Variants in MAPK10 observed in about 807,000 individuals in gnomAD.
The protein encoded by MAPK10 is mitogen-activated protein kinase 10.
Under a neutral mutation model 59.3 loss-of-function variants are expected in MAPK10, and 25 were observed. That is an observed-to-expected ratio of 0.42 (90% CI 0.31 to 0.59). MAPK10 has a LOEUF of 0.59. MAPK10 is among the 20% of genes least tolerant of loss of function. MAPK10 has a pLI of 0.15. For missense variants in MAPK10, 351 were observed against 568.9 expected, an observed-to-expected ratio of 0.62 and a Z score of 3.90; for synonymous variants, 190 against 200.5, an observed-to-expected ratio of 0.95 and a Z score of 0.44.
At chr4:86,198,095 T>A (rs2081793658) in intron 2 of MAPK10, among the ~76,000 whole-genome samples, 1 of 152,168 alleles carries the variant, frequency 6.6e-6, no homozygotes, top group Non-Finnish European at 1.5e-5. Flanking sequence ...CAATTCTCTA[T>A]GGCCCTCTCA....
chr4:86,171,624 C>G (rs1263672349), intron 3 of MAPK10, among the ~76,000 whole-genome samples: 1 of 152,104 alleles, frequency 6.6e-6, no homozygotes, highest in Non-Finnish European at 1.5e-5. Flanking sequence ...CATAAAAACC[C>G]TAGGAGAAAA....
chr4:86,068,735 A>G (rs1161664225), intron 9 of MAPK10, among the ~76,000 whole-genome samples: 1 of 152,184 alleles, frequency 6.6e-6, no homozygotes, highest in Admixed American at 6.5e-5. Context: ...TTACCTCTCT[A>G]TGAAAATTAA....
chr4:86,233,148 T>C (rs1583262657), intron 2 of MAPK10, among the ~76,000 whole-genome samples: 1 of 152,218 alleles, frequency 6.6e-6, no homozygotes, highest in African/African-American at 2.4e-5. Context: ...AAAAAGCTCT[T>C]GGCATCACAG....
At chr4:86,033,635 C>T (rs1177524003) in intron 11 of MAPK10, among the ~76,000 whole-genome samples, 2 of 152,180 alleles carry the variant, frequency 1.3e-5, no homozygotes, top group Admixed American at 6.5e-5. Flanking sequence ...AAACAAACTA[C>T]AAGAGAGAAT....
chr4:86,029,014 A>C (rs1751771720), intron 13 of MAPK10, 183 bp downstream of exon 13: 4 of 687,244 alleles, frequency 5.8e-6, no homozygotes, highest in Non-Finnish European at 1.1e-5. Flanking sequence ...CATCAGAATA[A>C]TCAGAATGAA....
chr4:86,555,859 G>C (rs899346673), intron 1 of MAPK10, among the ~76,000 whole-genome samples: 46 of 152,062 alleles, frequency 3.0e-4, no homozygotes, highest in African/African-American at 1.0e-3. Flanking sequence ...CTCAGAGTCA[G>C]GAAAATAAAG....
rs992429822 is a variant in MAPK10 at position 86,593,235 on chromosome 4, T to C, written c.-263+675A>G. ...TTTGACTTTTTTTGGGGAAGCCAAA[T>C]AAGCCTCAGATCTCTCCACTTTGGA... On this transcript the variant is annotated intron_variant, in intron 1 of 4. Coordinates refer to the MAPK10 transcript ENST00000502302. Among the ~76,000 whole-genome samples the C allele has an allele frequency of 3.3e-5, 5 of 152,280 alleles. No homozygotes were observed. In the South Asian group the frequency reaches 1.0e-3, roughly 32 times the overall value.
intron 4 of MAPK10, among the ~76,000 whole-genome samples, chr4:86,116,567 A>G (rs2058322808): frequency 6.6e-6 from 1 of 152,192 alleles, no homozygotes. Flanking sequence ...CCATCCCCCT[A>G]TCTCATGTGG....
At chr4:86,033,714 T>C (rs3775173) in intron 11 of MAPK10, among the ~76,000 whole-genome samples, 21,382 of 152,276 alleles carry the variant, frequency 0.14, 1,672 homozygotes, top group South Asian at 0.17. Context: ...ACTTGATTTA[T>C]AGTATTTGTT....
At chr4:86,189,046 A>G (rs1489185829) in intron 3 of MAPK10, among the ~76,000 whole-genome samples, 1 of 152,046 alleles carries the variant, frequency 6.6e-6, no homozygotes, top group Non-Finnish European at 1.5e-5. Flanking sequence ...TGAAGATCAG[A>G]TGGTTGTAGA....
At chr4:86,278,029 T>C (rs536478119) in intron 2 of MAPK10, among the ~76,000 whole-genome samples, 12 of 152,162 alleles carry the variant, frequency 7.9e-5, no homozygotes, top group Middle Eastern at 6.8e-3. Context: ...AAGTAAAACA[T>C]ACAAAAGAGG....
chr4:86,312,055 C>CAA (rs1373673827), intron 2 of MAPK10, among the ~76,000 whole-genome samples: 1 of 152,106 alleles, frequency 6.6e-6, no homozygotes. Context: ...AATAAACTCA[C>CAA]AAGTCAGTAC....
At chr4:86,263,746 G>A (rs1264287049) in intron 2 of MAPK10, among the ~76,000 whole-genome samples, 1 of 152,112 alleles carries the variant, frequency 6.6e-6, no homozygotes, top group African/African-American at 2.4e-5. Context: ...TGCAAATTAG[G>A]AAGAACAAGA....
At chr4:86,346,400 G>A (rs971329283) in intron 2 of MAPK10, among the ~76,000 whole-genome samples, 1 of 152,126 alleles carries the variant, frequency 6.6e-6, no homozygotes, top group Non-Finnish European at 1.5e-5. Context: ...TAAATGCTAT[G>A]TAAATAGTTA....
intron 1 of MAPK10, among the ~76,000 whole-genome samples, chr4:86,402,643 G>A (rs963453278): frequency 2.0e-5 from 3 of 152,122 alleles, no homozygotes; most frequent in Non-Finnish European, 4.4e-5. Context: ...AGAAAAAATA[G>A]GGAGGGAACC....
At chr4:86,056,752 C>A (rs1579300886) in intron 11 of MAPK10, among the ~76,000 whole-genome samples, 1 of 149,836 alleles carries the variant, frequency 6.7e-6, no homozygotes, top group East Asian at 1.9e-4. Flanking sequence ...TAAATTAATA[C>A]ATGAATCTTT....
At chr4:86,136,656 A>C (rs1254185269) in intron 4 of MAPK10, among the ~76,000 whole-genome samples, 11 of 151,120 alleles carry the variant, frequency 7.3e-5, no homozygotes, top group Non-Finnish European at 1.3e-4. Context: ...CTAACATCAT[A>C]ATGACAGGAT....
At chr4:86,362,144 C>G (rs940094259), upstream of MAPK10, among the ~76,000 whole-genome samples, 1 of 151,660 alleles carries the variant, frequency 6.6e-6, no homozygotes, top group African/African-American at 2.4e-5. Context: ...ACATTATACC[C>G]CATAAATATA....
intron 9 of MAPK10, among the ~76,000 whole-genome samples, chr4:86,069,020 T>A (rs1303200750): frequency 6.6e-6 from 1 of 152,134 alleles, no homozygotes; most frequent in Non-Finnish European, 1.5e-5. Flanking sequence ...TGGTGTTAAG[T>A]TAGTTAACTC....
Sources: gnomAD v4.1 joint callset for allele counts (sites outside exome capture counted in the v4.1 genomes callset) on GRCh38, gnomAD v4.1.1 for gene constraint, MANE v1.5 for transcripts, NCBI Gene and HGNC (gene_info 2026-07-23, HGNC 2026-07-21) for gene names.